The following MTCL1 variants were observed in gnomAD, a reference collection of about 807,000 sequenced individuals.
MTCL1 encodes microtubule crosslinking factor 1.
A neutral mutation model predicts 141.4 loss-of-function variants in MTCL1; 79 were observed. That is an observed-to-expected ratio of 0.56 (90% CI 0.47 to 0.67). The LOEUF is 0.67. Ranked by LOEUF, MTCL1 falls within the 30% of genes least tolerant of loss-of-function variation. The pLI is 0.00. For synonymous variants in MTCL1, 914 were observed against 875.8 expected (o/e 1.04, Z -0.77); for missense variants, 2,177 against 2,113.9 (o/e 1.03, Z -0.59).
intron 1 of MTCL1, among the ~76,000 whole-genome samples, chr18:8,711,964 C>T (rs888272075): frequency 8.5e-5 from 13 of 152,144 alleles, no homozygotes; most frequent in African/African-American, 2.9e-4. Context: ...CCGGAGTGCT[C>T]GTTGTCAACA....
chr18:8,750,697 G>A (rs2096366364), intron 4 of MTCL1, among the ~76,000 whole-genome samples: 1 of 152,142 alleles, frequency 6.6e-6, no homozygotes, highest in South Asian at 2.1e-4. Context: ...CATTTTTCTA[G>A]GCATGGGAAA....
At chr18:8,778,478 A>G (rs2096520553) in intron 5 of MTCL1, among the ~76,000 whole-genome samples, 1 of 152,188 alleles carries the variant, frequency 6.6e-6, no homozygotes, top group East Asian at 1.9e-4. Context: ...TGTTATTGGG[A>G]TATCAGCTCA....
At chr18:8,732,544 G>A (rs997228032) in intron 4 of MTCL1, among the ~76,000 whole-genome samples, 4 of 152,170 alleles carry the variant, frequency 2.6e-5, no homozygotes, top group Non-Finnish European at 5.9e-5. Flanking sequence ...GTGAGCCATC[G>A]TACGTTGAAA....
At chr18:8,786,115 C>CCCG (rs754805748) in intron 7 of MTCL1, 24 bp downstream of exon 6, 3 of 1,388,264 alleles carry the variant, frequency 2.2e-6, no homozygotes, top group Non-Finnish European at 2.8e-6. Flanking sequence ...AGCAATCCCC[C>CCCG]CCCCCCGCCC....
chr18:8,772,286 A>G (rs971498423), intron 4 of MTCL1, among the ~76,000 whole-genome samples: 4 of 152,266 alleles, frequency 2.6e-5, no homozygotes, highest in African/African-American at 7.2e-5. Context: ...GATGAAAACA[A>G]TATCAGCTTG....
At chr18:8,783,858 A>G (rs2096541062) in exon 6 of MTCL1, 2 of 1,612,846 alleles carry the variant, frequency 1.2e-6, no homozygotes, top group African/African-American at 2.7e-5. Flanking sequence ...CAGGAGCGGG[A>G]GGGCCCGGGT....
intron 4 of MTCL1, among the ~76,000 whole-genome samples, chr18:8,735,880 C>G (rs1186067037): frequency 1.3e-5 from 2 of 152,152 alleles, no homozygotes; most frequent in Admixed American, 1.3e-4. Context: ...GAGCCATTGA[C>G]TGTAGGGGAC....
At chr18:8,812,550 T>A (rs2076523087) in intron 11 of MTCL1, among the ~76,000 whole-genome samples, 1 of 152,262 alleles carries the variant, frequency 6.6e-6, no homozygotes, top group Non-Finnish European at 1.5e-5. Flanking sequence ...ACATAAGATG[T>A]AGAATCTTGT....
intron 4 of MTCL1, among the ~76,000 whole-genome samples, chr18:8,726,536 C>G: frequency 1.3e-5 from 1 of 76,062 alleles, no homozygotes; most frequent in African/African-American, 5.7e-5. Context: ...AGCGAGTGCG[C>G]ATGCGCGCGC....
chr18:8,767,522 C>G (rs186860573), intron 4 of MTCL1, among the ~76,000 whole-genome samples: 97 of 152,294 alleles, frequency 6.4e-4, no homozygotes, highest in Non-Finnish European at 1.2e-3. Context: ...CTACTTTGTC[C>G]TCTGCACAAA....
At chr18:8,815,298 A>G (rs1487479263) in intron 12 of MTCL1, among the ~76,000 whole-genome samples, 2 of 151,836 alleles carry the variant, frequency 1.3e-5, no homozygotes, top group Non-Finnish European at 2.9e-5. Flanking sequence ...AGCCATAAAA[A>G]AGGATGAGTT....
At chr18:8,730,123 C>T (rs1048218324) in intron 4 of MTCL1, among the ~76,000 whole-genome samples, 1 of 152,114 alleles carries the variant, frequency 6.6e-6, no homozygotes, top group African/African-American at 2.4e-5. Flanking sequence ...GTGTTTGGGT[C>T]TGTTTCTGGG....
chr18:8,811,883 G>A (rs373166046), intron 11 of MTCL1, among the ~76,000 whole-genome samples: 2 of 152,310 alleles, frequency 1.3e-5, no homozygotes, highest in Admixed American at 6.5e-5. Context: ...GGATAAAAAC[G>A]AGACACTGAA....
At chr18:8,786,410 C>A in intron 7 of MTCL1, 1 of 561,710 alleles carries the variant, frequency 1.8e-6, no homozygotes, top group Non-Finnish European at 3.4e-6. Flanking sequence ...CTTGTCCAGT[C>A]GCAGAGAAAG....
chr18:8,710,202 AAC>A, intron 1 of MTCL1, among the ~76,000 whole-genome samples: 1 of 152,344 alleles, frequency 6.6e-6, no homozygotes, highest in East Asian at 1.9e-4. Flanking sequence ...GTTGTGCTGT[AAC>A]AGAGCAAATT....
At chr18:8,803,427 G>A (rs1415839529) in intron 10 of MTCL1, among the ~76,000 whole-genome samples, 1 of 152,132 alleles carries the variant, frequency 6.6e-6, no homozygotes, top group Non-Finnish European at 1.5e-5. Flanking sequence ...TACATCCCCT[G>A]GCCATAGGAA....
chr18:8,806,526 C>G (rs2076301561), intron 10 of MTCL1, among the ~76,000 whole-genome samples: 1 of 152,182 alleles, frequency 6.6e-6, no homozygotes, highest in Non-Finnish European at 1.5e-5. Flanking sequence ...TTGGGGTTCC[C>G]TGTGGCCTCC....
intron 4 of MTCL1, among the ~76,000 whole-genome samples, chr18:8,763,276 G>T (rs984923917): frequency 6.6e-6 from 1 of 152,270 alleles, no homozygotes; most frequent in African/African-American, 2.4e-5. Flanking sequence ...AGGGACAGCC[G>T]TGGAAGTGGC....
intron 2 of MTCL1, chr18:8,718,088 T>G: frequency 8.6e-6 from 6 of 700,150 alleles, no homozygotes; most frequent in Non-Finnish European, 1.2e-5. Flanking sequence ...CTTAGGTCAA[T>G]GTTTGGTTTG....
Sources: gnomAD v4.1 joint callset for allele counts (sites outside exome capture counted in the v4.1 genomes callset) on GRCh38, gnomAD v4.1.1 for gene constraint, MANE v1.5 for transcripts, NCBI Gene and HGNC (gene_info 2026-07-23, HGNC 2026-07-21) for gene names.